The following TFEC variants were observed in gnomAD, a reference collection of about 807,000 sequenced individuals.
TFEC encodes the protein class E basic helix-loop-helix protein 34.
Under a neutral mutation model 41.6 loss-of-function variants are expected in TFEC, and 31 were observed. That is an observed-to-expected ratio of 0.74 (90% CI 0.56 to 1.01). TFEC has a LOEUF of 1.01. Ranked by LOEUF, TFEC falls within the 50% of genes least tolerant of loss-of-function variation. TFEC has a pLI of 0.00. For synonymous variants in TFEC, 143 were observed against 140.6 expected, an observed-to-expected ratio of 1.02 and a Z score of -0.12; for missense variants, 402 against 404.1, an observed-to-expected ratio of 0.99 and a Z score of 0.04.
At chr7:115,995,731 C>T (rs1234804847) in intron 1 of TFEC, among the ~76,000 whole-genome samples, 1 of 152,174 alleles carries the variant, frequency 6.6e-6, no homozygotes, top group African/African-American at 2.4e-5. Context: ...TCTTCCCTCC[C>T]CCAACCCTGA....
chr7:116,101,312 GA>G (rs1176832738), intron 3 of TFEC, among the ~76,000 whole-genome samples: 6 of 151,718 alleles, frequency 4.0e-5, no homozygotes, highest in Admixed American at 2.6e-4. Flanking sequence ...AGCAAGAGAG[GA>G]AAAAAAGTCC....
intron 1 of TFEC, among the ~76,000 whole-genome samples, chr7:116,151,712 T>C (rs924966279): frequency 3.3e-5 from 5 of 152,082 alleles, no homozygotes; most frequent in African/African-American, 1.2e-4. Flanking sequence ...ATTATAAAAA[T>C]TTTTATATTT....
chr7:116,031,276 G>C (rs540594256), upstream of TFEC, among the ~76,000 whole-genome samples: 4 of 151,926 alleles, frequency 2.6e-5, no homozygotes, highest in South Asian at 6.3e-4. Context: ...GTGACCCCAG[G>C]ATAATTTTTA....
intron 1 of TFEC, chr7:116,117,341 G>A (rs1798012784): frequency 6.6e-6 from 1 of 151,830 alleles, no homozygotes; most frequent in African/African-American, 2.4e-5. Context: ...TTATTACACA[G>A]CTGTTAGTAA....
Position 116,126,381 on chromosome 7 carries a change from A to C in TFEC, c.-68-14343T>G, listed in dbSNP as rs576847309. On this transcript the variant is annotated intron_variant, in intron 1 of 8. Transcript: ENST00000484212. ...AGGGAAAAAGTAAGATAGAGGTTCA[A>C]TCATGGAAGTATAACATTAAGTAAA... is the stretch of plus-strand genomic sequence containing the variant. 2.6e-5 allele frequency among the ~76,000 whole-genome samples: 4 copies of C among 152,210 alleles called. No individual in the cohort carries two copies. In the South Asian group the frequency reaches 8.3e-4, roughly 32 times the overall value.
chr7:115,995,036 T>C (rs1794298188), intron 1 of TFEC, among the ~76,000 whole-genome samples: 1 of 152,144 alleles, frequency 6.6e-6, no homozygotes. Context: ...GATGAGTTCA[T>C]GTCCTTTGTA....
chr7:116,035,638 C>A (rs1398025959), upstream of TFEC, among the ~76,000 whole-genome samples: 1 of 151,932 alleles, frequency 6.6e-6, no homozygotes, highest in African/African-American at 2.4e-5. Context: ...ATATTAAACA[C>A]ACGATAAGAC....
At chr7:115,966,357 T>G (rs1026070158) in intron 3 of TFEC, among the ~76,000 whole-genome samples, 1 of 151,600 alleles carries the variant, frequency 6.6e-6, no homozygotes, top group African/African-American at 2.4e-5. Flanking sequence ...AATTTATATA[T>G]GGGGAATTTT....
rs182403970 is a variant in TFEC, at chr7:116,137,135, C to G, written c.-69+22655G>C. Among the ~76,000 whole-genome samples the G allele has an allele frequency of 1.1e-3, 164 of 152,192 alleles. 2 individuals are homozygous for G. In the South Asian group the frequency reaches 0.014, roughly 13 times the overall value. ...CATATCTTAAACATCATTTCCTCAT[C>G]ATCATGGACTTCAGAGTGACCAGCA... On this transcript the variant is annotated intron_variant, in intron 1 of 8. Coordinates refer to the TFEC transcript ENST00000484212.
intron 1 of TFEC, among the ~76,000 whole-genome samples, chr7:116,130,084 A>ACACACACACT (rs1166207148): frequency 6.9e-6 from 1 of 144,290 alleles, no homozygotes; most frequent in Non-Finnish European, 1.5e-5. Flanking sequence ...ACACACACAC[A>ACACACACACT]CTCTTACTTG....
At chr7:115,984,199 T>A in intron 2 of TFEC, 63 bp downstream of exon 2, 1 of 1,559,274 alleles carries the variant, frequency 6.4e-7, no homozygotes. Flanking sequence ...TGACTTCAAT[T>A]ACTTTAATAG....
In TFEC at chr7:116,014,315, CAA is replaced by C. The variant is rs1795110945; in HGVS notation, c.-73+16316_-73+16317del. ...AATGTTGGAAAGAACTAAAATGACACAAAATTTCTTTGTACGATTTTTCCTCT... is the reference window on the plus strand; with the variant it reads ...AATGTTGGAAAGAACTAAAATGACACAATTTCTTTGTACGATTTTTCCTCT... On this transcript the variant is annotated intron_variant, in intron 1 of 7. Transcript: ENST00000265440. Among the ~76,000 whole-genome samples, 7 of 151,904 alleles carry C rather than the reference CAA, an allele frequency of 4.6e-5. 1 individual carries two copies. In the South Asian group the frequency reaches 1.5e-3, roughly 32 times the overall value.
At chr7:116,082,125 A>G (rs1328833407) in intron 3 of TFEC, among the ~76,000 whole-genome samples, 1 of 151,952 alleles carries the variant, frequency 6.6e-6, no homozygotes, top group Non-Finnish European at 1.5e-5. Flanking sequence ...TTTCCAACCC[A>G]CCTATTACAA....
intron 1 of TFEC, among the ~76,000 whole-genome samples, chr7:115,993,708 G>A (rs1201692636): frequency 2.0e-5 from 3 of 152,032 alleles, no homozygotes; most frequent in African/African-American, 7.2e-5. Flanking sequence ...AAATAAAAGA[G>A]GACACAAACA....
intron 3 of TFEC, among the ~76,000 whole-genome samples, chr7:116,066,615 G>A (rs1028708807): frequency 8.6e-5 from 13 of 152,002 alleles, no homozygotes; most frequent in Admixed American, 7.2e-4. Flanking sequence ...ATATTTGAGT[G>A]TTTGAATGTA....
At chr7:115,959,270 T>C (rs890076201) in intron 3 of TFEC, among the ~76,000 whole-genome samples, 1 of 151,750 alleles carries the variant, frequency 6.6e-6, no homozygotes, top group African/African-American at 2.4e-5. Flanking sequence ...GAAGGCCTGA[T>C]AGAGCAGAGT....
chr7:115,978,861 C>A (rs1793500571), intron 2 of TFEC, among the ~76,000 whole-genome samples: 1 of 152,182 alleles, frequency 6.6e-6, no homozygotes, highest in African/African-American at 2.4e-5. Context: ...TTCTAACCAT[C>A]CCTTAAATGT....
intron 3 of TFEC, among the ~76,000 whole-genome samples, chr7:116,041,180 T>G (rs1796029350): frequency 6.6e-6 from 1 of 152,160 alleles, no homozygotes; most frequent in South Asian, 2.1e-4. Context: ...GTAAGCTATG[T>G]GAGTTGCCTT....
intron 3 of TFEC, among the ~76,000 whole-genome samples, chr7:116,037,717 T>G (rs548542410): frequency 6.6e-6 from 1 of 152,058 alleles, no homozygotes; most frequent in African/African-American, 2.4e-5. Flanking sequence ...AATATAGGAG[T>G]TCATCCCTCT....
Sources: gnomAD v4.1 joint callset for allele counts (sites outside exome capture counted in the v4.1 genomes callset) on GRCh38, gnomAD v4.1.1 for gene constraint, MANE v1.5 for transcripts, NCBI Gene and HGNC (gene_info 2026-07-23, HGNC 2026-07-21) for gene names.